Variants in NRXN3 observed in about 807,000 individuals in gnomAD.
The protein encoded by NRXN3 is neurexin 3.
Under a neutral mutation model 137.6 loss-of-function variants are expected in NRXN3, and 32 were observed. The ratio of observed to expected loss-of-function variants is 0.23; its 90% CI spans 0.18 to 0.31. The LOEUF (loss-of-function observed/expected upper bound fraction) is 0.31, where lower values mean the gene tolerates loss of function less well. Among genes scored for constraint, NRXN3 ranks in the 10% least tolerant of loss-of-function variants. The pLI, the probability that NRXN3 is intolerant of heterozygous loss-of-function variation, is 1.00. For missense variants in NRXN3, 1,574 were observed against 2,062.5 expected (o/e 0.76, Z 4.59); for synonymous variants, 798 against 784.5 (o/e 1.02, Z -0.29).
intron 15 of NRXN3, among the ~76,000 whole-genome samples, chr14:79,254,949 T>C (rs959053590): frequency 6.6e-6 from 1 of 152,166 alleles, no homozygotes; most frequent in Non-Finnish European, 1.5e-5. Flanking sequence ...CTTTTTTCAA[T>C]TGATTTATGT....
rs1050767403 is a variant in NRXN3 at position 79,643,339 on chromosome 14, G to A, written c.3445-20439G>A. 5.9e-5 allele frequency among the ~76,000 whole-genome samples: 8 copies of A among 135,762 alleles called. 3 individuals are homozygous for A. The highest frequency in any genetic ancestry group is 5.4e-4 in the Admixed American group (7 of 12,892). The allele number at this position is 135,762 out of a possible 152,430, so 89.1% of individuals were successfully genotyped here. A position where few individuals can be genotyped will look rare whatever the true frequency, so the allele number is the denominator to read the frequency against. ...TTTGCTTATCACCTTCCACAGTTGA[G>A]TCTACCTAGGTCCTTGGCCTCCTGC... On this transcript the variant is annotated intron_variant, in intron 16 of 20. Transcript: ENST00000335750.
chr14:79,137,460 A>AC (rs56183818), intron 15 of NRXN3, among the ~76,000 whole-genome samples: 147,899 of 152,266 alleles, frequency 0.97, 71,876 homozygotes, highest in Middle Eastern at 1. Context: ...CTGAGACATA[A>AC]ACAATGTCTA....
chr14:79,754,502 TGATATATATATATATATA>T lies in NRXN3; in HGVS notation c.4015-50609_4015-50592del, dbSNP rs1290734334. Among the ~76,000 whole-genome samples, 28 of 48,406 alleles carry T rather than the reference TGATATATATATATATATA, an allele frequency of 5.8e-4. 1 individual carries two copies. Among genetic ancestry groups the T allele is most frequent in the South Asian group, 4.1e-3 (5 of 1,214 alleles). The allele number at this position is 48,406 out of a possible 152,430, so 31.8% of individuals were successfully genotyped here. On this transcript the variant is annotated intron_variant, in intron 19 of 20. Transcript: ENST00000335750. ...GGGAAGACTCACTCTCACTCTCTCT[TGATATATATATATATATA>T]TATATATATATATATATATATATAT...
intron 10 of NRXN3, among the ~76,000 whole-genome samples, chr14:78,855,237 G>A (rs1291260234): frequency 2.0e-5 from 3 of 151,552 alleles, no homozygotes; most frequent in Non-Finnish European, 4.4e-5. Context: ...AGTCTTCAAC[G>A]ATAGAGTGAC....
intron 4 of NRXN3, among the ~76,000 whole-genome samples, chr14:78,306,445 G>T (rs773808100): frequency 5.3e-5 from 8 of 152,142 alleles, no homozygotes; most frequent in South Asian, 2.1e-4. Context: ...TACAGGCAAA[G>T]AATGTTTTGA....
At chr14:78,658,153 C>T (rs900197219) in intron 6 of NRXN3, among the ~76,000 whole-genome samples, 5 of 152,096 alleles carry the variant, frequency 3.3e-5, no homozygotes, top group Admixed American at 6.6e-5. Context: ...TACTGTGCAG[C>T]GTAGGGCTAG....
chr14:79,564,330 C>T (rs1160936431), intron 16 of NRXN3, among the ~76,000 whole-genome samples: 2 of 152,066 alleles, frequency 1.3e-5, no homozygotes, highest in African/African-American at 4.8e-5. Context: ...CCTCAAATAG[C>T]TGACAATGAA....
intron 19 of NRXN3, among the ~76,000 whole-genome samples, chr14:79,743,564 A>T (rs2098969802): frequency 6.6e-6 from 1 of 152,216 alleles, no homozygotes; most frequent in African/African-American, 2.4e-5. Flanking sequence ...CTGAGAAATA[A>T]AGATTTTTAA....
intron 20 of NRXN3, among the ~76,000 whole-genome samples, chr14:79,809,569 A>C (rs2099224129): frequency 6.6e-6 from 1 of 152,250 alleles, no homozygotes; most frequent in Admixed American, 6.5e-5. Flanking sequence ...AGAACCCAGA[A>C]TTGAACCTTT....
intron 4 of NRXN3, among the ~76,000 whole-genome samples, chr14:78,411,145 T>A (rs2092805423): frequency 6.6e-6 from 1 of 152,188 alleles, no homozygotes; most frequent in South Asian, 2.1e-4. Flanking sequence ...CAACATTAGT[T>A]TCAGTTATTT....
chr14:78,610,199 A>G (rs2097288991), intron 4 of NRXN3, among the ~76,000 whole-genome samples: 1 of 152,242 alleles, frequency 6.6e-6, no homozygotes, highest in Non-Finnish European at 1.5e-5. Context: ...CTGACAGCCC[A>G]TGCAACTAGC....
intron 16 of NRXN3, among the ~76,000 whole-genome samples, chr14:79,526,000 G>A (rs931168832): frequency 2.0e-4 from 30 of 152,224 alleles, no homozygotes; most frequent in African/African-American, 6.5e-4. Flanking sequence ...TCTCAACTCC[G>A]CCTCCAGAGT....
intron 8 of NRXN3, among the ~76,000 whole-genome samples, chr14:78,726,919 C>T (rs1301869960): frequency 7.0e-6 from 1 of 143,054 alleles, no homozygotes; most frequent in Non-Finnish European, 1.5e-5. Flanking sequence ...TTTCTTTTGG[C>T]CTTGGTTCAG....
chr14:78,301,330 T>C (rs560984802), intron 4 of NRXN3, among the ~76,000 whole-genome samples: 1 of 152,124 alleles, frequency 6.6e-6, no homozygotes, highest in African/African-American at 2.4e-5. Context: ...AGAGATAACG[T>C]AGGATTTTAA....
intron 16 of NRXN3, among the ~76,000 whole-genome samples, chr14:79,559,963 T>G (rs1364049303): frequency 6.6e-6 from 1 of 152,000 alleles, no homozygotes; most frequent in African/African-American, 2.4e-5. Flanking sequence ...ACCTAAAGCT[T>G]GTACAATTTG....
At chr14:78,974,274 A>G (rs1355945671) in intron 14 of NRXN3, among the ~76,000 whole-genome samples, 1 of 152,202 alleles carries the variant, frequency 6.6e-6, no homozygotes, top group Non-Finnish European at 1.5e-5. Context: ...CAATCCAAGG[A>G]GATTGAAGCT....
At chr14:78,456,790 TC>T (rs2094717392) in intron 4 of NRXN3, among the ~76,000 whole-genome samples, 1 of 149,620 alleles carries the variant, frequency 6.7e-6, no homozygotes, top group East Asian at 2.0e-4. Context: ...CCTTTCTCTC[TC>T]TCTTTCTCTC....
At chr14:79,449,107 C>T (rs1030449332) in intron 15 of NRXN3, among the ~76,000 whole-genome samples, 12 of 152,096 alleles carry the variant, frequency 7.9e-5, no homozygotes, top group African/African-American at 2.4e-4. Flanking sequence ...GCATAAATTC[C>T]CTGAAAGTAT....
chr14:79,552,958 G>A (rs1271595738), intron 16 of NRXN3, among the ~76,000 whole-genome samples: 1 of 138,106 alleles, frequency 7.2e-6, no homozygotes, highest in Admixed American at 7.1e-5. Context: ...TAGATTTCAG[G>A]GAGCGGTCAA....
Sources: allele counts gnomAD v4.1 joint callset (sites outside exome capture counted in the v4.1 genomes callset), GRCh38; gene constraint gnomAD v4.1.1; transcripts MANE v1.5; gene names NCBI Gene and HGNC (gene_info 2026-07-23, HGNC 2026-07-21).